Variants in PLCG2 observed in about 807,000 individuals in gnomAD.
PLCG2 encodes 1-phosphatidylinositol 4,5-bisphosphate phosphodiesterase gamma-2.
Under a neutral mutation model 175.6 loss-of-function variants are expected in PLCG2, and 69 were observed. The ratio of observed to expected loss-of-function variants is 0.39; its 90% CI spans 0.32 to 0.48. PLCG2 has a LOEUF of 0.48. Among genes scored for constraint, PLCG2 ranks in the 20% least tolerant of loss-of-function variants. The pLI is 0.91. For synonymous variants in PLCG2, 827 were observed against 624.0 expected, an observed-to-expected ratio of 1.33 and a Z score of -4.85; for missense variants, 1,798 against 1,650.9, an observed-to-expected ratio of 1.09 and a Z score of -1.54.
intron 27 of PLCG2, among the ~76,000 whole-genome samples, chr16:81,936,749 C>G (rs1159027500): frequency 6.6e-6 from 1 of 152,238 alleles, no homozygotes; most frequent in Non-Finnish European, 1.5e-5. Flanking sequence ...CATTTACATG[C>G]TGGCATAACT....
intron 2 of PLCG2, among the ~76,000 whole-genome samples, chr16:81,820,538 T>C (rs1387171571): frequency 6.6e-6 from 1 of 152,260 alleles, no homozygotes; most frequent in African/African-American, 2.4e-5. Flanking sequence ...AGTGACCGAA[T>C]ATACCACTGC....
rs763556693 is a variant in PLCG2, at chr16:81,919,518, C to T, written c.2089C>T (p.Arg697Trp). ...RGKVKHCRINRDGRHFVLGTS... is the reference protein window; with the variant it reads ...RGKVKHCRINWDGRHFVLGTS... ...CAAGGTAAAGCATTGTCGCATCAAC[C>T]GGGACGGCCGGCACTTTGTGCTGGG... Residue 697 changes from arginine (R) to tryptophan (W), a missense_variant, in exon 20 of 33, where the codon CGG becomes TGG. By Grantham distance (101) the Arg-to-Trp change is moderately radical. Coordinates refer to ENST00000564138, the MANE Select transcript of PLCG2 (RefSeq NM_002661.5). 12 of 1,613,976 alleles carry T rather than the reference C, an allele frequency of 7.4e-6. No homozygotes were observed. The highest frequency in any genetic ancestry group is 2.2e-5 in the South Asian group (2 of 91,076).
intron 3 of PLCG2, among the ~76,000 whole-genome samples, chr16:81,856,710 C>T (rs1223065058): frequency 2.0e-5 from 3 of 152,340 alleles, no homozygotes; most frequent in Non-Finnish European, 4.4e-5. Flanking sequence ...ATACTGCCCT[C>T]CCACGATGCC....
intron 26 of PLCG2, 142 bp from the exon 27 acceptor site, chr16:81,936,025 CAA>C: frequency 6.9e-7 from 1 of 1,453,330 alleles, no homozygotes. Context: ...CCAATTGGGA[CAA>C]TATCATCAGA....
chr16:81,783,459 T>A (rs2143162666), intron 1 of PLCG2, among the ~76,000 whole-genome samples: 1 of 152,318 alleles, frequency 6.6e-6, no homozygotes, highest in Admixed American at 6.5e-5. Context: ...TCCCTTAACC[T>A]CTTTTGAGAG....
intron 30 of PLCG2, among the ~76,000 whole-genome samples, chr16:81,941,014 T>C (rs1036098769): frequency 4.6e-5 from 7 of 152,202 alleles, no homozygotes; most frequent in Non-Finnish European, 8.8e-5. Flanking sequence ...CTGAGGATCA[T>C]TTTTCAAGAG....
intron 7 of PLCG2, among the ~76,000 whole-genome samples, chr16:81,880,228 G>C (rs1258268907): frequency 1.3e-5 from 2 of 152,212 alleles, no homozygotes; most frequent in Non-Finnish European, 2.9e-5. Flanking sequence ...GTAACAGTGA[G>C]ACCCCATCTC....
Position 81,900,599 on chromosome 16 carries a change from C to A in PLCG2, c.1194-13C>A. The A allele has an allele frequency of 6.3e-7, 1 of 1,582,940 alleles. No individual in the cohort carries two copies. Among genetic ancestry groups the A allele is most frequent in the Non-Finnish European group, 8.7e-7 (1 of 1,155,482 alleles). On this transcript the variant is annotated splice_polypyrimidine_tract_variant and intron_variant, in intron 13 of 32. Coordinates refer to ENST00000564138, the MANE Select transcript of PLCG2 (RefSeq NM_002661.5). ...CTCCCCCTGCCGAGCTGCCCACCCTCTTCTGCCTGCAGCTTCCCAGTGATC... is the reference window on the plus strand; with the variant it reads ...CTCCCCCTGCCGAGCTGCCCACCCTATTCTGCCTGCAGCTTCCCAGTGATC...
chr16:81,826,149 A>G (rs1474388089), intron 2 of PLCG2, among the ~76,000 whole-genome samples: 2 of 152,206 alleles, frequency 1.3e-5, no homozygotes, highest in East Asian at 1.9e-4. Flanking sequence ...AGATACCACC[A>G]TCCAGCCAGG....
intron 25 of PLCG2, among the ~76,000 whole-genome samples, 162 bp from the exon 26 acceptor site, chr16:81,934,267 C>CG (rs1336580204): frequency 6.6e-6 from 1 of 151,916 alleles, no homozygotes; most frequent in African/African-American, 2.4e-5. Context: ...GAGGAAGAAA[C>CG]GAGAGGGGCA....
intron 2 of PLCG2, among the ~76,000 whole-genome samples, chr16:81,759,923 G>A (rs1910002951): frequency 6.6e-6 from 1 of 152,096 alleles, no homozygotes; most frequent in African/African-American, 2.4e-5. Context: ...TCAGGAGATC[G>A]AGACCATCCT....
upstream of PLCG2, among the ~76,000 whole-genome samples, chr16:81,776,789 A>T (rs111818264): frequency 2.6e-3 from 401 of 152,134 alleles, 1 homozygote; most frequent in African/African-American, 9.2e-3. Flanking sequence ...TCCTGATCTC[A>T]GGTAAGCCGC....
chr16:81,770,570 C>A (rs555425132), intron 2 of PLCG2, among the ~76,000 whole-genome samples: 32 of 152,168 alleles, frequency 2.1e-4, no homozygotes, highest in African/African-American at 7.7e-4. Context: ...AAACATCTAG[C>A]CAGGCTTGGT....
At chr16:81,771,548 G>A (rs544616133) in intron 2 of PLCG2, among the ~76,000 whole-genome samples, 1 of 152,216 alleles carries the variant, frequency 6.6e-6, no homozygotes, top group East Asian at 1.9e-4. Flanking sequence ...TGCCTGATTT[G>A]TCCCTCTAAT....
chr16:81,820,021 A>C (rs904094573), intron 2 of PLCG2, among the ~76,000 whole-genome samples: 4 of 152,234 alleles, frequency 2.6e-5, no homozygotes, highest in Non-Finnish European at 5.9e-5. Context: ...TCCAGGGAGC[A>C]CTGGACCCAA....
chr16:81,915,312 A>T (rs542645280), intron 19 of PLCG2, among the ~76,000 whole-genome samples: 1 of 152,262 alleles, frequency 6.6e-6, no homozygotes, highest in East Asian at 1.9e-4. Context: ...GGCTCTGGGG[A>T]TGTGTAATGA....
chr16:81,859,914 T>TAA (rs1295340323), intron 5 of PLCG2, among the ~76,000 whole-genome samples: 1 of 152,122 alleles, frequency 6.6e-6, no homozygotes, highest in Non-Finnish European at 1.5e-5. Flanking sequence ...CTTTTTCACT[T>TAA]AAAAGTACCT....
At chr16:81,865,674 C>A (rs965092200) in intron 5 of PLCG2, among the ~76,000 whole-genome samples, 3 of 152,118 alleles carry the variant, frequency 2.0e-5, no homozygotes, top group African/African-American at 7.2e-5. Flanking sequence ...TCCTTGCTCC[C>A]AGGATGGGCT....
chr16:81,751,947 G>A (rs1909820774), intron 1 of PLCG2, among the ~76,000 whole-genome samples: 1 of 152,022 alleles, frequency 6.6e-6, no homozygotes, highest in East Asian at 1.9e-4. Context: ...GCTTGAGCCT[G>A]GGAGGCGGAG....
Sources: gnomAD v4.1 joint callset for allele counts (sites outside exome capture counted in the v4.1 genomes callset) on GRCh38, gnomAD v4.1.1 for gene constraint, MANE v1.5 for transcripts, NCBI Gene and HGNC (gene_info 2026-07-23, HGNC 2026-07-21) for gene names.